Variants in FBN2 observed in about 807,000 individuals in gnomAD.
FBN2 encodes fibrillin-2.
Under a neutral mutation model 355.6 loss-of-function variants are expected in FBN2, and 105 were observed. The ratio of observed to expected loss-of-function variants is 0.30; its 90% CI spans 0.25 to 0.35. FBN2 has a LOEUF of 0.35. Ranked by LOEUF, FBN2 falls within the 10% of genes least tolerant of loss-of-function variation. FBN2 has a pLI of 1.00. For synonymous variants in FBN2, 1,350 were observed against 1,301.2 expected, an observed-to-expected ratio of 1.04 and a Z score of -0.81; for missense variants, 3,280 against 3,758.7, an observed-to-expected ratio of 0.87 and a Z score of 3.33.
rs140317409 is a variant in FBN2 at position 128,473,807 on chromosome 5, C to T, written c.629-8886G>A. ...CCGTGTTACACCAGGGAGAAATTAT[C>T]TCTGTGCATTGAGAGAAACATTAAA... On this transcript the variant is annotated intron_variant, in intron 5 of 64. Coordinates refer to ENST00000262464, the MANE Select transcript of FBN2 (RefSeq NM_001999.4). 3.3e-3 allele frequency among the ~76,000 whole-genome samples: 500 copies of T among 152,322 alleles called. 4 individuals are homozygous for T. The highest frequency in any genetic ancestry group is 5.7e-3 in the Non-Finnish European group (391 of 68,036).
At chr5:128,503,751 A>G (rs1277968063) in intron 5 of FBN2, among the ~76,000 whole-genome samples, 2 of 152,244 alleles carry the variant, frequency 1.3e-5, no homozygotes, top group Non-Finnish European at 2.9e-5. Context: ...GATAGAAAAG[A>G]AAACACCATT....
At chr5:128,374,530 T>C in intron 15 of FBN2, 98 bp downstream of exon 15, 7 of 1,513,976 alleles carry the variant, frequency 4.6e-6, no homozygotes, top group Non-Finnish European at 6.4e-6. Flanking sequence ...GCATGTACTC[T>C]TCTTATGGTG....
intron 11 of FBN2, among the ~76,000 whole-genome samples, chr5:128,387,043 G>T (rs1028237537): frequency 6.6e-6 from 1 of 151,958 alleles, no homozygotes; most frequent in Admixed American, 6.6e-5. Context: ...TACATCTGGC[G>T]GAATTTGTCT....
At chr5:128,476,650 T>A (rs900547264) in intron 5 of FBN2, among the ~76,000 whole-genome samples, 9 of 151,820 alleles carry the variant, frequency 5.9e-5, no homozygotes, top group Non-Finnish European at 8.8e-5. Context: ...AAGTCAAATT[T>A]GACAGAGCAA....
rs144015851 is a variant in FBN2 at position 128,530,292 on chromosome 5, T to G, written c.436+303A>C. 3.0e-3 allele frequency among the ~76,000 whole-genome samples: 453 copies of G among 152,262 alleles called. 2 individuals are homozygous for G. The highest frequency in any genetic ancestry group is 0.01 in the African/African-American group (434 of 41,554). On this transcript the variant is annotated intron_variant, in intron 3 of 64. Coordinates refer to ENST00000262464, the MANE Select transcript of FBN2 (RefSeq NM_001999.4). ...TTTGGAGTTCTCCTCTCCTTCCCCCTTAGATAACCCACAAAACACATGTTA... is the reference window on the plus strand; with the variant it reads ...TTTGGAGTTCTCCTCTCCTTCCCCCGTAGATAACCCACAAAACACATGTTA...
intron 12 of FBN2, 138 bp from the exon 13 acceptor site, chr5:128,378,015 T>G: frequency 1.1e-6 from 1 of 896,596 alleles, no homozygotes; most frequent in Non-Finnish European, 1.7e-6. Context: ...GCAGTTTTTT[T>G]TTTTTTTTTT....
At chr5:128,455,767 CTG>C (rs900439737) in intron 6 of FBN2, among the ~76,000 whole-genome samples, 1 of 151,892 alleles carries the variant, frequency 6.6e-6, no homozygotes, top group Non-Finnish European at 1.5e-5. Flanking sequence ...GCCTAGTAAA[CTG>C]TTTTTTCCAG....
At chr5:128,393,086 T>C (rs1437488009) in intron 10 of FBN2, 49 bp downstream of exon 10, 1 of 1,363,918 alleles carries the variant, frequency 7.3e-7, no homozygotes, top group Non-Finnish European at 1.1e-6. Context: ...TATTATAATG[T>C]CACTTGAGGC....
intron 19 of FBN2, among the ~76,000 whole-genome samples, chr5:128,360,832 A>C (rs1313172364): frequency 6.6e-6 from 1 of 151,966 alleles, no homozygotes; most frequent in East Asian, 1.9e-4. Context: ...CAAATACTTT[A>C]ACAGATAAAA....
intron 48 of FBN2, among the ~76,000 whole-genome samples, chr5:128,292,063 C>G (rs1749339073): frequency 6.6e-6 from 1 of 152,048 alleles, no homozygotes; most frequent in South Asian, 2.1e-4. Flanking sequence ...TTTTTTCACT[C>G]CACATGCAAG....
rs1411929998 is a variant in FBN2 at position 128,361,684 on chromosome 5, C to G, written c.2554+39G>C. 16 of 1,611,852 alleles carry G rather than the reference C, an allele frequency of 9.9e-6. No homozygotes were observed. In the East Asian group the frequency reaches 3.6e-4, roughly 36 times the overall value. On this transcript the variant is annotated intron_variant, in intron 19 of 64. Coordinates refer to ENST00000262464, the MANE Select transcript of FBN2 (RefSeq NM_001999.4). ...ATTGATGTTTATACAACTCCAGGTA[C>G]TCACTATGCACAAATAAGGCGATGA...
At chr5:128,530,787 A>G in intron 2 of FBN2, 94 bp from the exon 3 acceptor site, 1 of 804,580 alleles carries the variant, frequency 1.2e-6, no homozygotes, top group South Asian at 1.5e-5. Context: ...AAAAAGCCTG[A>G]AAAACTAAGA....
At chr5:128,424,907 T>C (rs1354304710) in intron 7 of FBN2, among the ~76,000 whole-genome samples, 2 of 152,150 alleles carry the variant, frequency 1.3e-5, no homozygotes, top group African/African-American at 4.8e-5. Flanking sequence ...ACTGATAACA[T>C]AGTCAAACAA....
intron 5 of FBN2, among the ~76,000 whole-genome samples, chr5:128,515,812 T>C (rs1431144440): frequency 6.6e-6 from 1 of 152,190 alleles, no homozygotes; most frequent in East Asian, 1.9e-4. Context: ...AAAATGTACA[T>C]TTTAAAGGAA....
At chr5:128,352,179 T>C (rs1581235620) in intron 20 of FBN2, among the ~76,000 whole-genome samples, 1 of 151,854 alleles carries the variant, frequency 6.6e-6, no homozygotes, top group East Asian at 1.9e-4. Flanking sequence ...CCAGGGCTAA[T>C]ATCTGATGTA....
intron 7 of FBN2, 24 bp from the exon 8 acceptor site, chr5:128,408,823 A>T: frequency 6.2e-7 from 1 of 1,613,636 alleles, no homozygotes; most frequent in Non-Finnish European, 8.5e-7. Context: ...GAAGGAGAAG[A>T]TGATTGAGAA....
At chr5:128,509,702 A>T (rs1371518904) in intron 5 of FBN2, among the ~76,000 whole-genome samples, 2 of 152,030 alleles carry the variant, frequency 1.3e-5, no homozygotes, top group African/African-American at 2.4e-5. Flanking sequence ...TCTTATAAAT[A>T]TTCTTAAACT....
At chr5:128,260,890 G>A (rs756866806) in intron 64 of FBN2, among the ~76,000 whole-genome samples, 3 of 152,140 alleles carry the variant, frequency 2.0e-5, no homozygotes, top group Non-Finnish European at 2.9e-5. Flanking sequence ...AGAGTGGTGA[G>A]TGACGACCTC....
rs188386864 is a variant in FBN2 at position 128,322,715 on chromosome 5, G to A, written c.4472-3714C>T. Among the ~76,000 whole-genome samples, 9 of 152,286 alleles carry A rather than the reference G, an allele frequency of 5.9e-5. No homozygotes were observed. In the East Asian group the frequency reaches 1.7e-3, roughly 29 times the overall value. On this transcript the variant is annotated intron_variant, in intron 34 of 64. Transcript: ENST00000262464. The stretch of plus-strand genomic sequence containing the variant: ...TTGTAGGATAGTTTGAAGTCAGGTG[G>A]TGTGATGCCTCCAGCTTTGTTCTTT...
Sources: allele counts gnomAD v4.1 joint callset (sites outside exome capture counted in the v4.1 genomes callset), GRCh38; gene constraint gnomAD v4.1.1; transcripts MANE v1.5; gene names NCBI Gene and HGNC (gene_info 2026-07-23, HGNC 2026-07-21).